SAMD5: variants seen among roughly 807,000 people sequenced by gnomAD.
The protein encoded by SAMD5 is sterile alpha motif domain-containing protein 5.
Under a neutral mutation model 11.3 loss-of-function variants are expected in SAMD5, and 13 were observed. The ratio of observed to expected loss-of-function variants is 1.15; its 90% CI spans 0.75 to 1.83. SAMD5 has a LOEUF of 1.83. SAMD5 is among the 40% of genes most tolerant of loss of function. SAMD5 has a pLI of 0.00. For synonymous variants in SAMD5, 129 were observed against 111.3 expected (o/e 1.16, Z -1.00); for missense variants, 255 against 239.1 (o/e 1.07, Z -0.44).
At chr6:147,619,174 T>A (rs760037058) in intron 1 of SAMD5, among the ~76,000 whole-genome samples, 27 of 152,236 alleles carry the variant, frequency 1.8e-4, no homozygotes, top group Non-Finnish European at 3.8e-4. Flanking sequence ...GGCCGTGACG[T>A]GCACAAGACA....
chr6:147,689,357 G>A (rs1468054154), intron 1 of SAMD5, among the ~76,000 whole-genome samples: 6 of 152,092 alleles, frequency 3.9e-5, no homozygotes, highest in Admixed American at 6.6e-5. Context: ...AGAAAGAATG[G>A]GCTTCAGCCA....
chr6:147,804,842 C>A, the SAMD5 span, among the ~76,000 whole-genome samples: 1 of 152,108 alleles, frequency 6.6e-6, no homozygotes, highest in African/African-American at 2.4e-5. Context: ...ATATAAATAA[C>A]TACTGTTATG....
chr6:147,816,015 C>T, the SAMD5 span, among the ~76,000 whole-genome samples: 4 of 152,078 alleles, frequency 2.6e-5, no homozygotes, highest in South Asian at 2.1e-4. Context: ...CACGGTGGCT[C>T]ACGCCTGTAA....
Position 147,711,286 on chromosome 6 carries a change from C to G in SAMD5, c.163-26031C>G, listed in dbSNP as rs912851561. Among the ~76,000 whole-genome samples the G allele has an allele frequency of 1.3e-5, 2 of 152,094 alleles. No homozygotes were observed. Among genetic ancestry groups the G allele is most frequent in the African/African-American group, 4.8e-5 (2 of 41,406 alleles). On this transcript the variant is annotated intron_variant, in intron 1 of 1. Coordinates refer to the SAMD5 transcript ENST00000566741. This position sits in a 1 kb window ranked among gnomAD's most constrained non-coding sequence, Gnocchi z 4.1. ...GCCCATTGTCAGGGGTTTCACAGCT[C>G]GTAGGTTGTGGGACTGGGATTTGAA...
chr6:147,615,042 A>G (rs9403867), intron 1 of SAMD5, among the ~76,000 whole-genome samples: 27,258 of 151,858 alleles, frequency 0.18, 5,228 homozygotes, highest in African/African-American at 0.47. Context: ...TTTGCATTGT[A>G]TTAGGTATTA....
the SAMD5 span, among the ~76,000 whole-genome samples, chr6:147,766,115 AC>A: frequency 1.5e-3 from 218 of 149,944 alleles, no homozygotes; most frequent in South Asian, 7.7e-3. Flanking sequence ...AAAAAAAAAA[AC>A]ACAAAAAAAG....
intron 1 of SAMD5, among the ~76,000 whole-genome samples, chr6:147,607,427 T>C (rs559708650): frequency 6.6e-6 from 1 of 152,192 alleles, no homozygotes; most frequent in Non-Finnish European, 1.5e-5. Context: ...GACTTCAATT[T>C]ATACTATAGA....
chr6:147,586,634 G>A (rs989027921), intron 1 of SAMD5, among the ~76,000 whole-genome samples: 1 of 151,854 alleles, frequency 6.6e-6, no homozygotes, highest in African/African-American at 2.4e-5. Context: ...AATACTCTGT[G>A]ATAATTGTGG....
At position 147,508,769 on chromosome 6, in the gene SAMD5, T is replaced by C. The variant is rs1276551048; in HGVS notation, c.-160T>C. Among the ~76,000 whole-genome samples the C allele has an allele frequency of 6.6e-6, 1 of 152,194 alleles. No individual in the cohort carries two copies. Among genetic ancestry groups the C allele is most frequent in the Non-Finnish European group, 1.5e-5 (1 of 68,028 alleles). On this transcript the variant is annotated 5_prime_UTR_variant, in exon 1 of 2. The change abolishes an upstream ATG in the 5' untranslated region. Transcript: ENST00000367474. Reference sequence around the variant, plus strand: ...TCTCCCTTCCTCAGGCTTCTTCTGATGGTTTTCCGTCTCCTGCCCGAGCCT... The same window carrying C: ...TCTCCCTTCCTCAGGCTTCTTCTGACGGTTTTCCGTCTCCTGCCCGAGCCT...
chr6:147,712,112 G>A (rs185877089), intron 1 of SAMD5, among the ~76,000 whole-genome samples: 1 of 152,060 alleles, frequency 6.6e-6, no homozygotes, highest in African/African-American at 2.4e-5. Context: ...ATAATATTTT[G>A]TGGCCTTTAT....
At chr6:147,668,705 G>A (rs1268494729) in intron 1 of SAMD5, among the ~76,000 whole-genome samples, 10 of 152,122 alleles carry the variant, frequency 6.6e-5, no homozygotes, top group African/African-American at 1.7e-4. Context: ...TTAGCTGGGC[G>A]TGGTGGTGCA....
chr6:147,707,801 T>G (rs1357063336), intron 1 of SAMD5, among the ~76,000 whole-genome samples: 1 of 152,146 alleles, frequency 6.6e-6, no homozygotes, highest in African/African-American at 2.4e-5. Context: ...CCTTTCTCCT[T>G]GCCTCTGGTG....
At chr6:147,690,664 A>T (rs903859311) in intron 1 of SAMD5, among the ~76,000 whole-genome samples, 1 of 152,170 alleles carries the variant, frequency 6.6e-6, no homozygotes, top group African/African-American at 2.4e-5. Flanking sequence ...AAATAAATAA[A>T]TAAATCCCAT....
chr6:147,945,198 G>C, the SAMD5 span, among the ~76,000 whole-genome samples: 1 of 151,988 alleles, frequency 6.6e-6, no homozygotes, highest in South Asian at 2.1e-4. Context: ...TCATCCTCGT[G>C]ATCCCTCTCC....
chr6:147,870,955 G>A, the SAMD5 span, among the ~76,000 whole-genome samples: 23 of 152,110 alleles, frequency 1.5e-4, no homozygotes, highest in African/African-American at 5.3e-4. Flanking sequence ...TGTAAAACAG[G>A]GACAACGTAT....
At chr6:147,924,257 G>A in the SAMD5 span, among the ~76,000 whole-genome samples, 2 of 152,054 alleles carry the variant, frequency 1.3e-5, no homozygotes, top group South Asian at 4.2e-4. Flanking sequence ...AGTTTAGCAG[G>A]GGGAACACTG....
chr6:147,804,827 C>T, the SAMD5 span, among the ~76,000 whole-genome samples: 1 of 152,046 alleles, frequency 6.6e-6, no homozygotes, highest in African/African-American at 2.4e-5. Context: ...TGGATTGCTC[C>T]CAGCATATAA....
chr6:147,848,918 T>C, the SAMD5 span, among the ~76,000 whole-genome samples: 1 of 152,168 alleles, frequency 6.6e-6, no homozygotes. Context: ...ATCTTGCCTA[T>C]ATATGAATTC....
rs1459158181 is a variant in SAMD5, at chr6:147,565,847, A to G, written c.*1391A>G. The G allele has an allele frequency of 1.0e-6, 1 of 985,270 alleles. No homozygotes were observed. The highest frequency in any genetic ancestry group is 1.2e-6 in the Non-Finnish European group (1 of 829,920). 61.0% of individuals were successfully genotyped at this position (985,270 alleles called of 1,614,324 possible). On this transcript the variant is annotated 3_prime_UTR_variant, in exon 2 of 2. Coordinates refer to ENST00000367474, the MANE Select transcript of SAMD5 (RefSeq NM_001030060.3). ...TAGTTGAAAGAAGCCATGGCAAAAG[A>G]TGTTGACGTACAACTGGCTCCTGAG...
Sources: allele counts gnomAD v4.1 joint callset (sites outside exome capture counted in the v4.1 genomes callset), GRCh38; gene constraint gnomAD v4.1.1; non-coding constraint Gnocchi (gnomAD v3.1); transcripts MANE v1.5; gene names NCBI Gene and HGNC (gene_info 2026-07-23, HGNC 2026-07-21).